Variants in PITPNB observed in about 807,000 individuals in gnomAD.
The protein encoded by PITPNB is phosphatidylinositol transfer protein beta isoform.
A neutral mutation model predicts 45.9 loss-of-function variants in PITPNB; 16 were observed. The ratio of observed to expected loss-of-function variants is 0.35; its 90% CI spans 0.24 to 0.53. The LOEUF (loss-of-function observed/expected upper bound fraction) is 0.53, where lower values mean the gene tolerates loss of function less well. PITPNB is among the 20% of genes least tolerant of loss of function. The probability of loss-of-function intolerance (pLI) is 0.93; values close to 1 mark genes in which losing one functional copy is unlikely to be tolerated. For synonymous variants in PITPNB, 112 were observed against 108.9 expected (o/e 1.03, Z -0.18); for missense variants, 188 against 330.5 (o/e 0.57, Z 3.34).
chr22:27,856,452 GT>G (rs1326486147), intron 10 of PITPNB, among the ~76,000 whole-genome samples: 6 of 152,232 alleles, frequency 3.9e-5, no homozygotes, highest in Non-Finnish European at 7.3e-5. Context: ...GGACCATTCT[GT>G]GTTCAGGTAT....
chr22:27,889,487 G>A (rs889948084), intron 7 of PITPNB, among the ~76,000 whole-genome samples: 1 of 152,172 alleles, frequency 6.6e-6, no homozygotes, highest in African/African-American at 2.4e-5. Context: ...CGTATAATGT[G>A]TCAGAGCAAC....
intron 4 of PITPNB, among the ~76,000 whole-genome samples, 159 bp from the exon 5 acceptor site, chr22:27,897,296 C>T (rs970916748): frequency 6.6e-6 from 1 of 152,012 alleles, no homozygotes; most frequent in African/African-American, 2.4e-5. Flanking sequence ...AGTTTCCACA[C>T]AAGTGACACT....
At chr22:27,857,279 G>A (rs1934200510) in intron 10 of PITPNB, among the ~76,000 whole-genome samples, 3 of 152,058 alleles carry the variant, frequency 2.0e-5, no homozygotes, top group Non-Finnish European at 4.4e-5. Flanking sequence ...TTCATAAGTT[G>A]GAGTCTGCCT....
chr22:27,912,380 C>A (rs556119286), intron 2 of PITPNB, among the ~76,000 whole-genome samples: 7 of 152,284 alleles, frequency 4.6e-5, no homozygotes, highest in African/African-American at 1.7e-4. Context: ...CTGCATTTCT[C>A]CTTTTGGCTT....
intron 1 of PITPNB, among the ~76,000 whole-genome samples, chr22:27,917,039 T>A (rs1303481477): frequency 1.3e-5 from 2 of 152,176 alleles, no homozygotes; most frequent in African/African-American, 4.8e-5. Flanking sequence ...AAACAGCTTC[T>A]ACCTTCAAAA....
In PITPNB at chr22:27,855,165, C is replaced by T. The variant is rs111939615; in HGVS notation, c.769-226G>A. On this transcript the variant is annotated intron_variant, in intron 10 of 11. Transcript: ENST00000335272. ...TTTATCTATCCTTAACTGTAAAAAA[C>T]AAAAGCCTGCAGACTGATAAAAAAT... 1.2e-3 allele frequency among the ~76,000 whole-genome samples: 183 copies of T among 152,278 alleles called. 2 individuals carry two copies. The South Asian group carries it at 0.013, about 11-fold the overall frequency.
chr22:27,876,441 A>G (rs149820621), intron 7 of PITPNB, among the ~76,000 whole-genome samples: 164 of 152,358 alleles, frequency 1.1e-3, no homozygotes, highest in African/African-American at 3.7e-3. Context: ...CCCAATTATT[A>G]ACAATAGCAC....
intron 10 of PITPNB, among the ~76,000 whole-genome samples, chr22:27,855,886 A>C: frequency 6.6e-6 from 1 of 152,246 alleles, no homozygotes; most frequent in African/African-American, 2.4e-5. Flanking sequence ...TCAAGGAAAA[A>C]GAAATTTCTG....
chr22:27,867,650 A>C (rs1280129419), intron 8 of PITPNB, among the ~76,000 whole-genome samples: 1 of 152,180 alleles, frequency 6.6e-6, no homozygotes, highest in Non-Finnish European at 1.5e-5. Flanking sequence ...CACTATTTTC[A>C]AGTAAAACCC....
intron 7 of PITPNB, among the ~76,000 whole-genome samples, chr22:27,887,076 G>A (rs1388893235): frequency 6.6e-6 from 1 of 152,066 alleles, no homozygotes; most frequent in African/African-American, 2.4e-5. Flanking sequence ...ATTCATTTAA[G>A]GGAGAAAAGG....
At chr22:27,855,603 A>T (rs1934149289) in intron 10 of PITPNB, among the ~76,000 whole-genome samples, 1 of 152,202 alleles carries the variant, frequency 6.6e-6, no homozygotes. Flanking sequence ...AACTCAACAC[A>T]TCCTCACCCC....
chr22:27,863,033 T>C (rs554353169), intron 8 of PITPNB, among the ~76,000 whole-genome samples: 5 of 152,338 alleles, frequency 3.3e-5, no homozygotes, highest in African/African-American at 9.6e-5. Flanking sequence ...CACAGATCAT[T>C]TGATCAATAA....
chr22:27,859,145 T>G (rs1934249270), intron 9 of PITPNB, among the ~76,000 whole-genome samples: 1 of 152,192 alleles, frequency 6.6e-6, no homozygotes, highest in Non-Finnish European at 1.5e-5. Context: ...TGGACAATAT[T>G]CAACTTAAAA....
chr22:27,891,209 A>T (rs567881504), intron 7 of PITPNB, among the ~76,000 whole-genome samples: 7 of 152,320 alleles, frequency 4.6e-5, no homozygotes, highest in African/African-American at 1.7e-4. Flanking sequence ...TACATTTAAA[A>T]ATGGCTAAAA....
chr22:27,862,481 G>C (rs1399223832), intron 8 of PITPNB, among the ~76,000 whole-genome samples: 3 of 151,924 alleles, frequency 2.0e-5, no homozygotes, highest in Admixed American at 2.0e-4. Flanking sequence ...CTGATACATG[G>C]GCTACATCAA....
intron 7 of PITPNB, among the ~76,000 whole-genome samples, chr22:27,885,830 AG>A (rs1485839851): frequency 3.3e-5 from 5 of 152,360 alleles, no homozygotes; most frequent in African/African-American, 1.2e-4. Context: ...AATACTAGAC[AG>A]AAAAAACATT....
At chr22:27,866,149 T>A (rs1404853275) in intron 8 of PITPNB, among the ~76,000 whole-genome samples, 1 of 152,252 alleles carries the variant, frequency 6.6e-6, no homozygotes, top group East Asian at 1.9e-4. Flanking sequence ...TTCTACAAGA[T>A]GAACGTCATG....
chr22:27,914,588 A>G (rs1340644534), intron 1 of PITPNB, among the ~76,000 whole-genome samples: 1 of 152,176 alleles, frequency 6.6e-6, no homozygotes, highest in Non-Finnish European at 1.5e-5. Context: ...GACCCCAAAC[A>G]GCAGCTGCAG....
At chr22:27,870,747 A>G (rs1934634524) in intron 8 of PITPNB, among the ~76,000 whole-genome samples, 1 of 152,240 alleles carries the variant, frequency 6.6e-6, no homozygotes, top group African/African-American at 2.4e-5. Context: ...ACATGTTTAC[A>G]GAAGACACTG....
Sources: gnomAD v4.1 joint callset for allele counts (sites outside exome capture counted in the v4.1 genomes callset) on GRCh38, gnomAD v4.1.1 for gene constraint, MANE v1.5 for transcripts, NCBI Gene and HGNC (gene_info 2026-07-23, HGNC 2026-07-21) for gene names.